Variants in TRDMT1 observed in about 807,000 individuals in gnomAD.
The protein encoded by TRDMT1 is tRNA (cytosine(38)-C(5))-methyltransferase.
Under a neutral mutation model 51.2 loss-of-function variants are expected in TRDMT1, and 49 were observed. The ratio of observed to expected loss-of-function variants is 0.96; its 90% CI spans 0.76 to 1.21. The LOEUF is 1.21. Ranked by LOEUF, TRDMT1 falls within the 50% of genes most tolerant of loss-of-function variation. The pLI is 0.00. For synonymous variants in TRDMT1, 187 were observed against 164.6 expected (o/e 1.14, Z -1.04); for missense variants, 534 against 462.3 (o/e 1.16, Z -1.42).
intron 5 of TRDMT1, 86 bp downstream of exon 5, chr10:17,161,397 G>A (rs1161132455): frequency 3.9e-6 from 4 of 1,026,102 alleles, no homozygotes; most frequent in Admixed American, 4.0e-5. Context: ...TGTATGCACT[G>A]GTTTTTAAGA....
intron 2 of TRDMT1, among the ~76,000 whole-genome samples, chr10:17,173,484 G>C (rs1387485212): frequency 6.6e-6 from 1 of 152,130 alleles, no homozygotes; most frequent in African/African-American, 2.4e-5. Context: ...ATACTAGGAA[G>C]GGAAAACTTA....
Position 17,164,957 on chromosome 10 carries a change from T to C in TRDMT1, c.252-2720A>G, listed in dbSNP as rs527323506. 4.2e-3 allele frequency among the ~76,000 whole-genome samples: 642 copies of C among 152,294 alleles called. 3 individuals are homozygous for C. Among genetic ancestry groups the C allele is most frequent in the African/African-American group, 0.015 (603 of 41,548 alleles). The stretch of plus-strand genomic sequence containing the variant: ...TGGCCACATTGCCCAAGGTAATTTA[T>C]AGATTCAATGCCATCCCCATCAAGC... On this transcript the variant is annotated intron_variant, in intron 3 of 10. Transcript: ENST00000377799.
intron 3 of TRDMT1, 23 bp from the exon 4 acceptor site, chr10:17,162,260 A>C (rs759047680): frequency 1.3e-4 from 205 of 1,544,998 alleles, no homozygotes; most frequent in Non-Finnish European, 1.5e-4. Flanking sequence ...AAAAAAAAAA[A>C]AACAAAAAAA....
chr10:17,171,452 C>T (rs1842000256), intron 2 of TRDMT1: 1 of 152,200 alleles, frequency 6.6e-6, no homozygotes, highest in South Asian at 2.1e-4. Flanking sequence ...GTAAATGGAA[C>T]CGAGAGAGTG....
rs750516435 is a variant in TRDMT1 at position 17,152,005 on chromosome 10, T to C, written c.1075+1502A>G. On this transcript the variant is annotated intron_variant, in intron 10 of 10. Coordinates refer to ENST00000377799, the MANE Select transcript of TRDMT1 (RefSeq NM_004412.7). ...TATTACCAAAGTGACTACTGCCCTTTGAAAACAAAAAAGCACTGAAGAAAA... is the reference window on the plus strand; with the variant it reads ...TATTACCAAAGTGACTACTGCCCTTCGAAAACAAAAAAGCACTGAAGAAAA... 21 of 1,297,630 alleles carry C rather than the reference T, an allele frequency of 1.6e-5. No individual in the cohort carries two copies. In the South Asian group the frequency reaches 2.0e-4, roughly 12 times the overall value. 80.4% of individuals were successfully genotyped at this position (1,297,630 alleles called of 1,614,324 possible).
At chr10:17,196,921 G>A (rs2131629963) in intron 1 of TRDMT1, among the ~76,000 whole-genome samples, 1 of 152,236 alleles carries the variant, frequency 6.6e-6, no homozygotes, top group East Asian at 1.9e-4. Context: ...CAAGGGAGGT[G>A]GTAAGAGGCA....
intron 1 of TRDMT1, among the ~76,000 whole-genome samples, chr10:17,176,726 C>T (rs927886399): frequency 1.3e-5 from 2 of 152,134 alleles, no homozygotes; most frequent in Non-Finnish European, 2.9e-5. Context: ...AAAGGTTAAA[C>T]TTACAGATAA....
intron 7 of TRDMT1, among the ~76,000 whole-genome samples, chr10:17,158,901 A>G (rs1839916812): frequency 6.6e-6 from 1 of 152,110 alleles, no homozygotes; most frequent in Admixed American, 6.6e-5. Flanking sequence ...TAAGTTTTTT[A>G]ACTCATTTGT....
At chr10:17,157,314 G>A in intron 8 of TRDMT1, 127 bp downstream of exon 8, 1 of 926,166 alleles carries the variant, frequency 1.1e-6, no homozygotes, top group Non-Finnish European at 1.6e-6. Flanking sequence ...GCAATTAAGG[G>A]AAAATACCTC....
In TRDMT1 at chr10:17,148,849, A is replaced by G; in HGVS notation, c.*191T>C. On this transcript the variant is annotated 3_prime_UTR_variant, in exon 11 of 11. Coordinates refer to ENST00000377799, the MANE Select transcript of TRDMT1 (RefSeq NM_004412.7). ...TCCATAAAGCATAACAATAGTTCGTATTTTATAAAATACAGTAATATAAAT... is the reference window on the plus strand; with the variant it reads ...TCCATAAAGCATAACAATAGTTCGTGTTTTATAAAATACAGTAATATAAAT... 8.4e-7 allele frequency: 1 copy of G among 1,192,920 alleles called. No individual in the cohort carries two copies. The highest frequency in any genetic ancestry group is 1.1e-6 in the Non-Finnish European group (1 of 930,630). The allele number at this position is 1,192,920 out of a possible 1,614,324, so 73.9% of individuals were successfully genotyped here. A position where few individuals can be genotyped will look rare whatever the true frequency, so the allele number is the denominator to read the frequency against.
rs773182608 is a variant in TRDMT1 at position 17,145,343 on chromosome 10, G to A, written c.*3697C>T. ...ACTAGACATCTTGGTGGGTGTGACA[G>A]AGGTCCAGAAAAGTGCTTGCTAAGA... On this transcript the variant is annotated 3_prime_UTR_variant, in exon 11 of 11. Coordinates refer to ENST00000377799, the MANE Select transcript of TRDMT1 (RefSeq NM_004412.7). The A allele has an allele frequency of 2.3e-4, 228 of 985,338 alleles. No homozygotes were observed. Among genetic ancestry groups the A allele is most frequent in the Non-Finnish European group, 2.7e-4 (223 of 829,982 alleles). The allele number at this position is 985,338 out of a possible 1,614,324, so 61.0% of individuals were successfully genotyped here. A position where few individuals can be genotyped will look rare whatever the true frequency, so the allele number is the denominator to read the frequency against.
rs1212555647 is a variant in TRDMT1 at position 17,138,419 on chromosome 10, T to C, written c.*10621A>G. Among the ~76,000 whole-genome samples, 3 of 152,212 alleles carry C rather than the reference T, an allele frequency of 2.0e-5. No homozygotes were observed. In the East Asian group the frequency reaches 5.8e-4, roughly 29 times the overall value. ...GCAATATAACATTGTTCCAATTCTT[T>C]CATTTTCCATGAAGGATTACATAAA... On this transcript the variant is annotated 3_prime_UTR_variant, in exon 11 of 11. Coordinates refer to ENST00000377799, the MANE Select transcript of TRDMT1 (RefSeq NM_004412.7).
In TRDMT1 at chr10:17,147,096, T is replaced by C. The variant is rs564769325; in HGVS notation, c.*1944A>G. The C allele has an allele frequency of 3.7e-5, 36 of 985,836 alleles. No individual in the cohort carries two copies. The East Asian group carries it at 6.8e-4, about 19-fold the overall frequency. The allele number at this position is 985,836 out of a possible 1,614,324, so 61.1% of individuals were successfully genotyped here. ...CGACACTTATTTTGTATAATGTTGC[T>C]CAACCGAATGTGGGATACTATAATT... On this transcript the variant is annotated 3_prime_UTR_variant, in exon 11 of 11. Transcript: ENST00000377799.
At chr10:17,156,464 AC>A (rs1356992808) in intron 8 of TRDMT1, among the ~76,000 whole-genome samples, 1 of 151,948 alleles carries the variant, frequency 6.6e-6, no homozygotes, top group African/African-American at 2.4e-5. Flanking sequence ...CAAACTCCTG[AC>A]CTCAGGTGAT....
At chr10:17,174,681 T>C (rs1267477755) in intron 1 of TRDMT1, 21 bp from the exon 2 acceptor site, 6 of 1,564,856 alleles carry the variant, frequency 3.8e-6, no homozygotes, top group Non-Finnish European at 4.4e-6. Context: ...AAATGGAGTA[T>C]CTTGAAAAGA....
chr10:17,166,897 G>A (rs926110078), intron 3 of TRDMT1, among the ~76,000 whole-genome samples: 2 of 152,080 alleles, frequency 1.3e-5, no homozygotes, highest in African/African-American at 4.8e-5. Context: ...ACTCTTGCAC[G>A]TGCCTAGAGC....
intron 6 of TRDMT1, among the ~76,000 whole-genome samples, chr10:17,160,045 A>T (rs982888236): frequency 1.3e-5 from 2 of 152,124 alleles, no homozygotes; most frequent in African/African-American, 4.8e-5. Flanking sequence ...TATTTTCAAA[A>T]TATGCTATCC....
chr10:17,183,279 A>C (rs979749740), intron 1 of TRDMT1, among the ~76,000 whole-genome samples: 1 of 151,984 alleles, frequency 6.6e-6, no homozygotes, highest in Non-Finnish European at 1.5e-5. Context: ...GTATGTGTGC[A>C]CCTTAAGACA....
At chr10:17,165,337 A>G (rs1841035791) in intron 3 of TRDMT1, among the ~76,000 whole-genome samples, 1 of 152,236 alleles carries the variant, frequency 6.6e-6, no homozygotes, top group African/African-American at 2.4e-5. Context: ...CTGAAACTGG[A>G]TCCCTTCCTT....
Sources: gnomAD v4.1 joint callset for allele counts (sites outside exome capture counted in the v4.1 genomes callset) on GRCh38, gnomAD v4.1.1 for gene constraint, MANE v1.5 for transcripts, NCBI Gene and HGNC (gene_info 2026-07-23, HGNC 2026-07-21) for gene names.